The following ACTN2 variants were observed in gnomAD, a reference collection of about 807,000 sequenced individuals.
ACTN2 encodes alpha-actinin-2.
A neutral mutation model predicts 113.8 loss-of-function variants in ACTN2; 39 were observed. The ratio of observed to expected loss-of-function variants is 0.34; its 90% CI spans 0.27 to 0.45. The LOEUF (loss-of-function observed/expected upper bound fraction) is 0.45. Ranked by LOEUF, ACTN2 falls within the 20% of genes least tolerant of loss-of-function variation. The probability of loss-of-function intolerance (pLI) is 1.00; values close to 1 mark genes in which losing one functional copy is unlikely to be tolerated. For missense variants in ACTN2, 992 were observed against 1,177.9 expected (o/e 0.84, Z 2.31); for synonymous variants, 429 against 444.1 (o/e 0.97, Z 0.43).
rs1659280898 is a variant in ACTN2 at position 236,747,758 on chromosome 1, A to C, written c.1498A>C (p.Arg500=). The stretch of plus-strand genomic sequence containing the variant: ...CCGACTGGGAACGCTTACTCAGAAG[A>C]GGAGAGAAGCCCTAGAGGTGAAGTA... The part of the protein sequence containing the change: ...WDRLGTLTQK[R]REALERMEKL... The change falls in exon 13 of 21, where the codon AGG becomes CGG. Residue 500 remains arginine, a synonymous_variant. Coordinates refer to ENST00000366578, the MANE Select transcript of ACTN2 (RefSeq NM_001103.4). The C allele has an allele frequency of 6.2e-7, 1 of 1,613,928 alleles. No homozygotes were observed. Among genetic ancestry groups the C allele is most frequent in the African/African-American group, 1.3e-5 (1 of 75,066 alleles).
chr1:236,686,922 C>T (rs534739299), intron 1 of ACTN2, 123 bp downstream of exon 1: 4 of 1,128,126 alleles, frequency 3.5e-6, no homozygotes, highest in Admixed American at 9.0e-5. Context: ...GCTGTGCTGT[C>T]CTGTGCCCTC....
intron 3 of ACTN2, 49 bp from the exon 4 acceptor site, chr1:236,720,056 G>C (rs368964457): frequency 9.1e-6 from 12 of 1,318,076 alleles, no homozygotes; most frequent in South Asian, 8.2e-5. Flanking sequence ...AAAAAGTTAC[G>C]TACAGACTAT....
chr1:236,693,472 G>A (rs796746240), intron 1 of ACTN2, among the ~76,000 whole-genome samples: 9 of 152,274 alleles, frequency 5.9e-5, no homozygotes, highest in African/African-American at 2.2e-4. Context: ...GTGTAAGGAA[G>A]GTGTTTTCAA....
At chr1:236,727,477 A>G (rs935667991) in intron 5 of ACTN2, among the ~76,000 whole-genome samples, 1 of 152,040 alleles carries the variant, frequency 6.6e-6, no homozygotes, top group Non-Finnish European at 1.5e-5. Context: ...CAGGCAAGGA[A>G]GTCAAAAGGA....
intron 1 of ACTN2, among the ~76,000 whole-genome samples, chr1:236,687,652 C>T (rs1019798157): frequency 2.6e-5 from 4 of 152,154 alleles, no homozygotes; most frequent in East Asian, 1.9e-4. Flanking sequence ...TTTTTCTGGG[C>T]GTGGGGCAAG....
intron 1 of ACTN2, among the ~76,000 whole-genome samples, chr1:236,690,398 A>G (rs1156607776): frequency 6.6e-6 from 1 of 152,192 alleles, no homozygotes; most frequent in Non-Finnish European, 1.5e-5. Context: ...TGTTCCAATG[A>G]TTAACAGAAA....
At chr1:236,748,064 C>A in intron 13 of ACTN2, 1 of 363,582 alleles carries the variant, frequency 2.8e-6, no homozygotes, top group Non-Finnish European at 5.2e-6. Flanking sequence ...AGTACGTTTC[C>A]AAAAGTCCTT....
At chr1:236,744,550 C>T in intron 11 of ACTN2, 76 bp from the exon 12 acceptor site, 1 of 1,553,278 alleles carries the variant, frequency 6.4e-7, no homozygotes, top group South Asian at 1.1e-5. Context: ...TCTCACCGCT[C>T]CCTGAGAATG....
At chr1:236,710,571 G>A (rs1179487595) in intron 1 of ACTN2, among the ~76,000 whole-genome samples, 1 of 152,232 alleles carries the variant, frequency 6.6e-6, no homozygotes, top group Non-Finnish European at 1.5e-5. Flanking sequence ...TTTGGAGGTT[G>A]AGGAACATCC....
chr1:236,691,119 T>C (rs992928722), intron 1 of ACTN2, among the ~76,000 whole-genome samples: 13 of 151,734 alleles, frequency 8.6e-5, no homozygotes, highest in Non-Finnish European at 2.9e-5. Context: ...AATTTTTGTA[T>C]TTTTAGTAGA....
intron 1 of ACTN2, among the ~76,000 whole-genome samples, chr1:236,688,641 AT>A (rs1558218087): frequency 6.6e-6 from 1 of 152,064 alleles, no homozygotes; most frequent in Non-Finnish European, 1.5e-5. Context: ...TAAGGTGAGA[AT>A]TTTTTTTAAG....
intron 7 of ACTN2, among the ~76,000 whole-genome samples, chr1:236,732,445 A>ATTTTTTG (rs925938893): frequency 6.8e-6 from 1 of 147,656 alleles, no homozygotes; most frequent in Non-Finnish European, 1.5e-5. Flanking sequence ...TTTATTTTTT[A>ATTTTTTG]TTTTTTATTT....
chr1:236,728,778 C>T (rs1446835039), intron 6 of ACTN2, among the ~76,000 whole-genome samples: 2 of 152,066 alleles, frequency 1.3e-5, no homozygotes, highest in Non-Finnish European at 2.9e-5. Context: ...CCTGTAGTCC[C>T]AGCACTTTGG....
chr1:236,754,918 C>T lies in ACTN2; in HGVS notation c.1975-101C>T, dbSNP rs1194213114. The T allele has an allele frequency of 7.0e-7, 1 of 1,420,148 alleles. No homozygotes were observed. Among genetic ancestry groups the T allele is most frequent in the Non-Finnish European group, 9.9e-7 (1 of 1,005,752 alleles). 88.0% of individuals were successfully genotyped at this position (1,420,148 alleles called of 1,614,324 possible). A position where few individuals can be genotyped will look rare whatever the true frequency, so the allele number is the denominator to read the frequency against. ...ACACTGGCCGCTGCCTGACGCTGGC[C>T]TAGCATCCCATGCAGGGTCTGGAAC... On this transcript the variant is annotated intron_variant, in intron 16 of 20. Coordinates refer to ENST00000366578, the MANE Select transcript of ACTN2 (RefSeq NM_001103.4). The surrounding 1 kb of genome is among the most constrained non-coding windows in gnomAD (Gnocchi z 4.9).
rs1659497830 is a variant in ACTN2, at chr1:236,754,575, T to C, written c.1975-444T>C. ...CACCACCCTTTTGGTGTTGAAATAT[T>C]GACTTTTTTCTTAAAGCGGAGACCA... On this transcript the variant is annotated intron_variant, in intron 16 of 20. Transcript: ENST00000366578. The surrounding 1 kb of genome is among the most constrained non-coding windows in gnomAD (Gnocchi z 4.9). Among the ~76,000 whole-genome samples the C allele has an allele frequency of 6.6e-6, 1 of 152,132 alleles. No individual in the cohort carries two copies. The highest frequency in any genetic ancestry group is 2.4e-5 in the African/African-American group (1 of 41,432).
intron 1 of ACTN2, among the ~76,000 whole-genome samples, chr1:236,696,603 T>G (rs1036632801): frequency 2.0e-5 from 3 of 152,294 alleles, no homozygotes; most frequent in African/African-American, 7.2e-5. Context: ...CTGACCATTT[T>G]GACCTCCAAA....
intron 20 of ACTN2, among the ~76,000 whole-genome samples, chr1:236,762,181 C>T (rs559338502): frequency 2.4e-4 from 36 of 152,064 alleles, no homozygotes; most frequent in Non-Finnish European, 3.5e-4. Context: ...GATCATAGTA[C>T]GTATCCTCGC....
intron 10 of ACTN2, among the ~76,000 whole-genome samples, chr1:236,742,224 A>T (rs1268664566): frequency 2.6e-5 from 4 of 151,960 alleles, no homozygotes; most frequent in African/African-American, 9.7e-5. Context: ...TCGCTTTCCG[A>T]AATGAACTTG....
At chr1:236,688,558 G>A (rs1665956627) in intron 1 of ACTN2, among the ~76,000 whole-genome samples, 1 of 152,118 alleles carries the variant, frequency 6.6e-6, no homozygotes, top group Non-Finnish European at 1.5e-5. Flanking sequence ...TAATTGCATA[G>A]CACTTGAAGT....
Sources: allele counts gnomAD v4.1 joint callset (sites outside exome capture counted in the v4.1 genomes callset), GRCh38; gene constraint gnomAD v4.1.1; non-coding constraint Gnocchi (gnomAD v3.1); transcripts MANE v1.5; gene names NCBI Gene and HGNC (gene_info 2026-07-23, HGNC 2026-07-21).